GALNT13: variants seen among roughly 807,000 people sequenced by gnomAD.
GALNT13 encodes UDP-GalNAc:polypeptide N-acetylgalactosaminyltransferase 13.
Under a neutral mutation model 64.2 loss-of-function variants are expected in GALNT13, and 28 were observed. The ratio of observed to expected loss-of-function variants is 0.44; its 90% CI spans 0.32 to 0.60. The LOEUF is 0.60. GALNT13 is among the 20% of genes least tolerant of loss of function. The pLI is 0.05. For synonymous variants in GALNT13, 214 were observed against 224.6 expected, an observed-to-expected ratio of 0.95 and a Z score of 0.42; for missense variants, 577 against 669.8, an observed-to-expected ratio of 0.86 and a Z score of 1.53.
chr2:154,296,804 A>T (rs186375971), intron 8 of GALNT13, among the ~76,000 whole-genome samples: 24 of 152,046 alleles, frequency 1.6e-4, no homozygotes, highest in Middle Eastern at 3.4e-3. Flanking sequence ...TAAGTCTGGG[A>T]TACATGTGCA....
At chr2:154,212,547 G>A (rs1027095804) in intron 4 of GALNT13, among the ~76,000 whole-genome samples, 10 of 151,824 alleles carry the variant, frequency 6.6e-5, no homozygotes, top group Non-Finnish European at 1.3e-4. Context: ...CCCAGCCCAG[G>A]CAATTTAAAT....
chr2:153,850,556 C>T, the GALNT13 span, among the ~76,000 whole-genome samples: 1 of 152,046 alleles, frequency 6.6e-6, no homozygotes, highest in Admixed American at 6.5e-5. Context: ...CAGAAAAATA[C>T]AATTTAAATG....
chr2:153,886,378 A>G lies in GALNT13; in HGVS notation c.-177+14075A>G, dbSNP rs180765107. Reference sequence around the variant, plus strand: ...CCCTCCCCACTCCCCCCACCCCGCAACAGGCCCCAGTGTGTGATGTTCCCC... The same window carrying G: ...CCCTCCCCACTCCCCCCACCCCGCAGCAGGCCCCAGTGTGTGATGTTCCCC... On this transcript the variant is annotated intron_variant, in intron 1 of 12. Coordinates refer to ENST00000392825, the MANE Select transcript of GALNT13 (RefSeq NM_052917.4). Among the ~76,000 whole-genome samples, 31 of 151,000 alleles carry G rather than the reference A, an allele frequency of 2.1e-4. No homozygotes were observed. The East Asian group carries it at 5.9e-3, about 29-fold the overall frequency.
chr2:153,863,437 A>C, the GALNT13 span, among the ~76,000 whole-genome samples: 1 of 152,146 alleles, frequency 6.6e-6, no homozygotes, highest in African/African-American at 2.4e-5. Context: ...TAAAAGACGT[A>C]ATTGTTATAG....
chr2:154,395,277 A>G (rs952364748), intron 9 of GALNT13, among the ~76,000 whole-genome samples: 3 of 152,142 alleles, frequency 2.0e-5, no homozygotes, highest in Admixed American at 1.3e-4. Context: ...TTATTCCTCA[A>G]CTAGAAAACA....
intron 3 of GALNT13, among the ~76,000 whole-genome samples, chr2:154,126,335 C>A (rs753747716): frequency 2.0e-5 from 3 of 151,936 alleles, no homozygotes; most frequent in Non-Finnish European, 4.4e-5. Flanking sequence ...CATGTTTGTG[C>A]ATTAGAAATA....
At chr2:153,888,287 A>C (rs182383520) in intron 1 of GALNT13, among the ~76,000 whole-genome samples, 15 of 152,152 alleles carry the variant, frequency 9.9e-5, no homozygotes, top group African/African-American at 3.6e-4. Context: ...AATGTAACCT[A>C]CAACTTCCTC....
chr2:153,409,799 A>T, the GALNT13 span, among the ~76,000 whole-genome samples: 11 of 152,334 alleles, frequency 7.2e-5, no homozygotes, highest in African/African-American at 2.6e-4. Context: ...GCTAAAGTAT[A>T]ATTAAGAATA....
At chr2:153,574,837 T>G in the GALNT13 span, among the ~76,000 whole-genome samples, 1 of 152,148 alleles carries the variant, frequency 6.6e-6, no homozygotes, top group Admixed American at 6.5e-5. Context: ...TCTGAAGGAT[T>G]GCATATTTCT....
chr2:153,792,472 T>C, the GALNT13 span, among the ~76,000 whole-genome samples: 2 of 152,190 alleles, frequency 1.3e-5, no homozygotes, highest in African/African-American at 4.8e-5. Flanking sequence ...GATTTTGGTA[T>C]TCACAAGGGG....
chr2:154,111,536 G>A (rs1364952792), intron 3 of GALNT13, among the ~76,000 whole-genome samples: 1 of 152,094 alleles, frequency 6.6e-6, no homozygotes, highest in Non-Finnish European at 1.5e-5. Flanking sequence ...TGGAATCATT[G>A]TGCTTCCTGG....
chr2:153,936,748 T>C (rs570343005), intron 2 of GALNT13, among the ~76,000 whole-genome samples: 3 of 152,028 alleles, frequency 2.0e-5, no homozygotes, highest in Admixed American at 1.3e-4. Context: ...TTTGAGACAG[T>C]CTCACTCTGT....
the GALNT13 span, among the ~76,000 whole-genome samples, chr2:153,621,143 T>C: frequency 3.0e-4 from 45 of 152,096 alleles, no homozygotes; most frequent in Admixed American, 2.9e-3. Context: ...TCTCCCTCTG[T>C]CTTTTCTGAG....
At chr2:153,299,673 G>GAC in the GALNT13 span, among the ~76,000 whole-genome samples, 1 of 152,190 alleles carries the variant, frequency 6.6e-6, no homozygotes, top group Admixed American at 6.5e-5. Flanking sequence ...GGAGCTTGTG[G>GAC]ACACAATCAA....
the GALNT13 span, among the ~76,000 whole-genome samples, chr2:153,862,712 A>C: frequency 6.6e-6 from 1 of 152,020 alleles, no homozygotes; most frequent in Non-Finnish European, 1.5e-5. Flanking sequence ...CATATGATGT[A>C]TTTTATAGCA....
At chr2:153,125,511 G>A in the GALNT13 span, among the ~76,000 whole-genome samples, 11 of 152,172 alleles carry the variant, frequency 7.2e-5, no homozygotes, top group Non-Finnish European at 1.0e-4. Flanking sequence ...ATAATAGTGC[G>A]CAGGACTAAA....
chr2:153,479,965 T>G, the GALNT13 span, among the ~76,000 whole-genome samples: 1 of 152,174 alleles, frequency 6.6e-6, no homozygotes, highest in East Asian at 1.9e-4. Context: ...TTCTTTCAGC[T>G]GTAACAGCTG....
the GALNT13 span, among the ~76,000 whole-genome samples, chr2:153,133,035 A>ATTT: frequency 8.5e-5 from 11 of 129,390 alleles, no homozygotes; most frequent in African/African-American, 2.9e-4. Context: ...AACTGTGTTA[A>ATTT]TTTTTTTTTT....
chr2:153,724,029 G>A, the GALNT13 span, among the ~76,000 whole-genome samples: 1 of 146,642 alleles, frequency 6.8e-6, no homozygotes, highest in Non-Finnish European at 1.5e-5. Context: ...AAAGCTGGAG[G>A]CATCACACTA....
Sources: gnomAD v4.1 joint callset for allele counts (sites outside exome capture counted in the v4.1 genomes callset) on GRCh38, gnomAD v4.1.1 for gene constraint, MANE v1.5 for transcripts, NCBI Gene and HGNC (gene_info 2026-07-23, HGNC 2026-07-21) for gene names.